The following CAMTA1 variants were observed in gnomAD, a reference collection of about 807,000 sequenced individuals.
CAMTA1 encodes the protein calmodulin-binding transcription activator 1.
A neutral mutation model predicts 170.9 loss-of-function variants in CAMTA1; 27 were observed. The observed-to-expected ratio is 0.16, with a 90% confidence interval of 0.12 to 0.22. CAMTA1 has a LOEUF of 0.22. CAMTA1 is among the 10% of genes least tolerant of loss of function. The probability of loss-of-function intolerance (pLI) is 1.00; values close to 1 mark genes in which losing one functional copy is unlikely to be tolerated. For missense variants in CAMTA1, 1,619 were observed against 2,217.2 expected (o/e 0.73, Z 5.42); for synonymous variants, 833 against 891.5 (o/e 0.93, Z 1.17).
At chr1:7,666,882 T>G (rs1249561595) in intron 9 of CAMTA1, among the ~76,000 whole-genome samples, 1 of 151,376 alleles carries the variant, frequency 6.6e-6, no homozygotes, top group Non-Finnish European at 1.5e-5. Context: ...GTTGTTTTGT[T>G]TTGTTTTGTT....
chr1:7,112,776 T>C (rs1402279910), intron 4 of CAMTA1, among the ~76,000 whole-genome samples: 2 of 152,204 alleles, frequency 1.3e-5, no homozygotes, highest in Non-Finnish European at 2.9e-5. Flanking sequence ...GCCCTGGGTC[T>C]CCCAGGCCCT....
intron 16 of CAMTA1, among the ~76,000 whole-genome samples, chr1:7,741,951 T>C (rs1393787196): frequency 6.6e-6 from 1 of 151,450 alleles, no homozygotes; most frequent in Non-Finnish European, 1.5e-5. Context: ...GTTGTTTTTT[T>C]TTTTTTTTTT....
At chr1:7,442,114 C>T (rs2092557720) in intron 5 of CAMTA1, among the ~76,000 whole-genome samples, 1 of 152,182 alleles carries the variant, frequency 6.6e-6, no homozygotes, top group Non-Finnish European at 1.5e-5. Context: ...TTTCTACTCT[C>T]CCAGTTCTTC....
intron 4 of CAMTA1, among the ~76,000 whole-genome samples, chr1:7,137,961 A>G (rs112140164): frequency 0.015 from 2,273 of 152,230 alleles, 59 homozygotes; most frequent in African/African-American, 0.053. Flanking sequence ...CCAGTTTGTC[A>G]TAGGGACTCA....
At chr1:6,799,558 C>T (rs2148178648) in intron 1 of CAMTA1, among the ~76,000 whole-genome samples, 1 of 152,302 alleles carries the variant, frequency 6.6e-6, no homozygotes, top group East Asian at 1.9e-4. Flanking sequence ...CACAGCTTTT[C>T]CTCATCTTGC....
chr1:6,854,229 C>T (rs1661435969), intron 3 of CAMTA1, among the ~76,000 whole-genome samples: 1 of 152,162 alleles, frequency 6.6e-6, no homozygotes, highest in African/African-American at 2.4e-5. Context: ...TAGTGTAACA[C>T]ATTACTGTTT....
chr1:7,019,735 G>A (rs1701082661), intron 3 of CAMTA1, among the ~76,000 whole-genome samples: 1 of 152,234 alleles, frequency 6.6e-6, no homozygotes, highest in Non-Finnish European at 1.5e-5. Context: ...CACACTGTGA[G>A]CCTTTTGACC....
chr1:7,394,402 T>C (rs2089062439), intron 5 of CAMTA1, among the ~76,000 whole-genome samples: 1 of 152,224 alleles, frequency 6.6e-6, no homozygotes, highest in Non-Finnish European at 1.5e-5. Context: ...TAAGGTGATA[T>C]CTCATTGTGG....
intron 4 of CAMTA1, among the ~76,000 whole-genome samples, chr1:7,177,856 G>T (rs1651261026): frequency 6.7e-6 from 1 of 148,930 alleles, no homozygotes; most frequent in Non-Finnish European, 1.5e-5. Flanking sequence ...ACACATTGAG[G>T]CTCCTCCCCA....
intron 6 of CAMTA1, among the ~76,000 whole-genome samples, chr1:7,597,680 G>A: frequency 6.6e-6 from 1 of 152,176 alleles, no homozygotes; most frequent in Non-Finnish European, 1.5e-5. Context: ...GGTCGAGTCT[G>A]AAAGCCATCT....
At chr1:7,458,134 G>C (rs1158435247) in intron 5 of CAMTA1, among the ~76,000 whole-genome samples, 1 of 152,140 alleles carries the variant, frequency 6.6e-6, no homozygotes, top group Non-Finnish European at 1.5e-5. Context: ...GTTTCTATCT[G>C]CTCTTCAATC....
rs547109617 is a variant in CAMTA1, at chr1:7,458,971, T to C, written c.439-8859T>C. Among the ~76,000 whole-genome samples, 14 of 152,364 alleles carry C rather than the reference T, an allele frequency of 9.2e-5. No homozygotes were observed. In the East Asian group the frequency reaches 2.1e-3, roughly 23 times the overall value. On this transcript the variant is annotated intron_variant, in intron 5 of 22. Coordinates refer to ENST00000303635, the MANE Select transcript of CAMTA1 (RefSeq NM_015215.4). ...CATGCTTTTGCAGGCAATATGTGAA[T>C]TGAATCATTTGGTCTAATCTTAGAT...
Position 7,677,600 on chromosome 1 carries a change from C to T in CAMTA1, c.2781C>T (p.Ala927=), listed in dbSNP as rs774605702. The T allele has an allele frequency of 3.1e-6, 5 of 1,613,670 alleles. No homozygotes were observed. The highest frequency in any genetic ancestry group is 4.2e-6 in the Non-Finnish European group (5 of 1,179,792). Residue 927 remains alanine, a splice_region_variant and synonymous_variant, in exon 11 of 23, where the codon GCC becomes GCT. Coordinates refer to ENST00000303635, the MANE Select transcript of CAMTA1 (RefSeq NM_015215.4). ...CTGGTCTTTTTCTCTCGCTTTCAGC[C>T]CATGACACTGGTCTTGTGACCCTAC... ...QPGVLRCYCP[A]HDTGLVTLQV...
chr1:7,401,610 C>T (rs1221626675), intron 5 of CAMTA1, among the ~76,000 whole-genome samples: 1 of 152,124 alleles, frequency 6.6e-6, no homozygotes, highest in Non-Finnish European at 1.5e-5. Flanking sequence ...ATTGGGTCTT[C>T]ACATCAACAT....
intron 4 of CAMTA1, among the ~76,000 whole-genome samples, chr1:7,120,220 C>G (rs915880040): frequency 6.6e-6 from 1 of 152,182 alleles, no homozygotes; most frequent in African/African-American, 2.4e-5. Flanking sequence ...TTCTGAGGGT[C>G]AGGAACCCAG....
rs1470445795 is a variant in CAMTA1 at position 7,325,004 on chromosome 1, GAC to G, written c.438+75379_438+75380del. The stretch of plus-strand genomic sequence containing the variant: ...TCTACTAATGTGTTCTTTCTGTGAA[GAC>G]GTTGATTATATCTTGATTTTCTATA... On this transcript the variant is annotated intron_variant, in intron 5 of 22. Coordinates refer to ENST00000303635, the MANE Select transcript of CAMTA1 (RefSeq NM_015215.4). The surrounding 1 kb of genome is among the most constrained non-coding windows in gnomAD (Gnocchi z 5.0). 6.6e-6 allele frequency among the ~76,000 whole-genome samples: 1 copy of G among 152,156 alleles called. No individual in the cohort carries two copies. The highest frequency in any genetic ancestry group is 1.5e-5 in the Non-Finnish European group (1 of 68,042).
chr1:7,398,180 TCTC>T (rs2089511738), intron 5 of CAMTA1, among the ~76,000 whole-genome samples: 1 of 45,514 alleles, frequency 2.2e-5, no homozygotes, highest in African/African-American at 9.0e-5. Flanking sequence ...TCTCTCTCTC[TCTC>T]TCTCTCTCTC....
At chr1:7,569,734 A>T (rs1356748533) in intron 6 of CAMTA1, among the ~76,000 whole-genome samples, 1 of 150,660 alleles carries the variant, frequency 6.6e-6, no homozygotes, top group African/African-American at 2.4e-5. Flanking sequence ...CAACATAACC[A>T]TCAGCAGCAG....
chr1:6,919,455 A>G (rs1450632438), intron 3 of CAMTA1, among the ~76,000 whole-genome samples: 1 of 152,186 alleles, frequency 6.6e-6, no homozygotes, highest in Non-Finnish European at 1.5e-5. Flanking sequence ...AGCCAGGGCA[A>G]GTTTTTGTAG....
Sources: allele counts gnomAD v4.1 joint callset (sites outside exome capture counted in the v4.1 genomes callset), GRCh38; gene constraint gnomAD v4.1.1; non-coding constraint Gnocchi (gnomAD v3.1); transcripts MANE v1.5; gene names NCBI Gene and HGNC (gene_info 2026-07-23, HGNC 2026-07-21).